SLC26A8: variants seen among roughly 807,000 people sequenced by gnomAD.
The protein encoded by SLC26A8 is solute carrier family 26 member 8, also known as testis anion transporter 1.
In SLC26A8, 70 loss-of-function variants were observed where a neutral mutation model predicts 105.0. That is an observed-to-expected ratio of 0.67 (90% CI 0.55 to 0.81). SLC26A8 has a LOEUF of 0.81. SLC26A8 is among the 40% of genes least tolerant of loss of function. SLC26A8 has a pLI of 0.00. For synonymous variants in SLC26A8, 415 were observed against 438.3 expected, an observed-to-expected ratio of 0.95 and a Z score of 0.66; for missense variants, 998 against 1,181.8, an observed-to-expected ratio of 0.84 and a Z score of 2.28.
At chr6:35,963,247 G>A (rs557244758) in intron 11 of SLC26A8, among the ~76,000 whole-genome samples, 3 of 152,244 alleles carry the variant, frequency 2.0e-5, no homozygotes, top group East Asian at 1.9e-4. Context: ...CAGGCCATCC[G>A]GAGGCAAAAC....
intron 6 of SLC26A8, 111 bp from the exon 7 acceptor site, chr6:35,991,919 G>C: frequency 1.8e-6 from 2 of 1,110,474 alleles, no homozygotes; most frequent in Non-Finnish European, 2.4e-6. Context: ...AGAGTTTCTG[G>C]GTACAAAGGT....
At chr6:35,964,503 C>T (rs894860301) in intron 11 of SLC26A8, among the ~76,000 whole-genome samples, 1 of 151,948 alleles carries the variant, frequency 6.6e-6, no homozygotes, top group Admixed American at 6.6e-5. Flanking sequence ...AAAAATTAGC[C>T]GGGCATGGTG....
At position 35,943,826 on chromosome 6, in the gene SLC26A8, CT is replaced by C. The variant is rs2127281552; in HGVS notation, c.*73del. The C allele has an allele frequency of 6.4e-7, 1 of 1,564,302 alleles. No individual in the cohort carries two copies. The highest frequency in any genetic ancestry group is 1.2e-5 in the South Asian group (1 of 81,594). ...CTGCTAGTTCGTATCCAGTCTAGGTCTCTGGACAATTGACCCCTTTTTGGGT... is the reference window on the plus strand; with the variant it reads ...CTGCTAGTTCGTATCCAGTCTAGGTCCTGGACAATTGACCCCTTTTTGGGT... On this transcript the variant is annotated 3_prime_UTR_variant, in exon 20 of 20. Transcript: ENST00000490799.
intron 8 of SLC26A8, among the ~76,000 whole-genome samples, chr6:35,979,220 G>A (rs1345532207): frequency 1.3e-5 from 2 of 151,812 alleles, no homozygotes; most frequent in African/African-American, 2.4e-5. Context: ...GCTCACGCTT[G>A]TAATCCCAGC....
chr6:35,968,621 A>ATGTG (rs1772640727), intron 11 of SLC26A8, among the ~76,000 whole-genome samples: 1 of 77,796 alleles, frequency 1.3e-5, no homozygotes, highest in African/African-American at 1.0e-4. Context: ...ATATATATAT[A>ATGTG]TATATATATA....
intron 11 of SLC26A8, among the ~76,000 whole-genome samples, chr6:35,968,637 A>ATATG (rs1462623828): frequency 1.3e-4 from 14 of 109,126 alleles, no homozygotes; most frequent in African/African-American, 5.5e-4. Context: ...ATATATATAT[A>ATATG]TATATATATA....
In SLC26A8 at chr6:35,990,406, G is replaced by A. The variant is rs1003055087; in HGVS notation, c.942+1253C>T. ...ATATGTTCCCTTTGTGAATGCATCT[G>A]GTTCTAGCCATAGGAAAGGGCCGTT... On this transcript the variant is annotated intron_variant, in intron 7 of 19. Transcript: ENST00000490799. 2.7e-5 allele frequency: 5 copies of A among 182,282 alleles called. No individual in the cohort carries two copies. The East Asian group carries it at 8.3e-4, about 30-fold the overall frequency. The allele number at this position is 182,282 out of a possible 1,614,324, so 11.3% of individuals were successfully genotyped here.
intron 2 of SLC26A8, among the ~76,000 whole-genome samples, chr6:36,014,026 G>A (rs1319975832): frequency 6.6e-6 from 1 of 152,212 alleles, no homozygotes; most frequent in Non-Finnish European, 1.5e-5. Flanking sequence ...TGGCAGCTGT[G>A]AAATGCTGCT....
rs1350098973 is a variant in SLC26A8, at chr6:35,997,881, G to A, written c.484C>T (p.Leu162=). The change falls in exon 5 of 20, where the codon CTG becomes TTG. Residue 162 remains leucine (L), a synonymous_variant. Coordinates refer to ENST00000490799, the MANE Select transcript of SLC26A8 (RefSeq NM_052961.4). ...CCGTTGTTGAATGGGCTCACTTTCAGAACGTTGATCAGCAGAGCACTCACC... is the reference window on the plus strand; with the variant it reads ...CCGTTGTTGAATGGGCTCACTTTCAAAACGTTGATCAGCAGAGCACTCACC... ...FLVSALLINV[L]KVSPFNNGQL... is the part of the protein sequence containing the mutation. 6.2e-7 allele frequency: 1 copy of A among 1,614,150 alleles called. No homozygotes were observed. Among genetic ancestry groups the A allele is most frequent in the South Asian group, 1.1e-5 (1 of 91,080 alleles).
At chr6:35,980,331 T>C (rs978300948) in intron 8 of SLC26A8, among the ~76,000 whole-genome samples, 3 of 152,006 alleles carry the variant, frequency 2.0e-5, no homozygotes, top group African/African-American at 7.3e-5. Context: ...TATAACAGAG[T>C]GGTTATAATT....
At chr6:35,950,506 C>T (rs1375157090) in intron 19 of SLC26A8, among the ~76,000 whole-genome samples, 5 of 151,526 alleles carry the variant, frequency 3.3e-5, no homozygotes, top group South Asian at 2.1e-4. Context: ...AGGATGGTCT[C>T]GAACTCCTGA....
At position 35,944,000 on chromosome 6, in the gene SLC26A8, G is replaced by A. The variant is rs757824045; in HGVS notation, c.2813C>T (p.Ser938Phe). ...YWPMYHPSMA[S>F]TQSQTQTRTW... is the part of the protein sequence containing the mutation. ...CCGAGTCTGAGTCTGAGACTGGGTGGAAGCCATAGACGGATGATACATAGG... is the reference window on the plus strand; with the variant it reads ...CCGAGTCTGAGTCTGAGACTGGGTGAAAGCCATAGACGGATGATACATAGG... The change falls in exon 20 of 20, where the codon TCC becomes TTC. Residue 938 changes from serine (S) to phenylalanine (F), a missense_variant. Ser to Phe is a radical substitution (Grantham distance 155, BLOSUM62 -2). Transcript: ENST00000490799. 1.2e-6 allele frequency: 2 copies of A among 1,614,154 alleles called. No homozygotes were observed. Among genetic ancestry groups the A allele is most frequent in the Non-Finnish European group, 1.7e-6 (2 of 1,179,994 alleles).
chr6:35,994,864 A>G (rs183577880), intron 5 of SLC26A8, among the ~76,000 whole-genome samples: 6 of 152,360 alleles, frequency 3.9e-5, no homozygotes, highest in African/African-American at 1.4e-4. Context: ...GGCGTGAGCC[A>G]CTGTGGCTGG....
At position 35,975,405 on chromosome 6, in the gene SLC26A8, A is replaced by G. The variant is rs936874704; in HGVS notation, c.1257T>C (p.Ile419=). 4.3e-6 allele frequency: 7 copies of G among 1,612,530 alleles called. No individual in the cohort carries two copies. Among genetic ancestry groups the G allele is most frequent in the Non-Finnish European group, 5.9e-6 (7 of 1,179,004 alleles). ...CVFTGAIART[I]IQDKSGGRQQ... is the part of the protein sequence containing the mutation. ...GTCTTCCTCCAGATTTATCCTGGAT[A>G]ATAGTCCTAGCAATAGCACCAGTAA... The change falls in exon 10 of 20, where the codon ATT becomes ATC. Residue 419 remains isoleucine (I), a synonymous_variant. Coordinates refer to ENST00000490799, the MANE Select transcript of SLC26A8 (RefSeq NM_052961.4).
chr6:35,981,995 T>C lies in SLC26A8; in HGVS notation c.1025+126A>G. On this transcript the variant is annotated intron_variant, in intron 8 of 19. Coordinates refer to ENST00000490799, the MANE Select transcript of SLC26A8 (RefSeq NM_052961.4). The surrounding 1 kb of genome is among the most constrained non-coding windows in gnomAD (Gnocchi z 4.0). ...GCCCTTCTCCTTTCATGAACCTCTG[T>C]GTTCAAAAATGAATTTTGCTTTGGC... The C allele has an allele frequency of 3.4e-6, 3 of 880,102 alleles. No homozygotes were observed. Among genetic ancestry groups the C allele is most frequent in the Non-Finnish European group, 3.6e-6 (2 of 558,692 alleles). The allele number at this position is 880,102 out of a possible 1,614,324, so 54.5% of individuals were successfully genotyped here.
intron 1 of SLC26A8, among the ~76,000 whole-genome samples, chr6:36,021,870 G>A (rs993941559): frequency 1.7e-4 from 26 of 151,776 alleles, no homozygotes; most frequent in African/African-American, 6.1e-4. Flanking sequence ...AGGGTTTCAC[G>A]GTGTTAGCCA....
intron 3 of SLC26A8, among the ~76,000 whole-genome samples, chr6:36,008,119 C>CA (rs35551131): frequency 0.013 from 939 of 70,190 alleles, 8 homozygotes; most frequent in East Asian, 0.061. Context: ...GACTCCGTCT[C>CA]AAAAAAAAAA....
chr6:36,021,571 G>C (rs570464507), intron 1 of SLC26A8, among the ~76,000 whole-genome samples: 1 of 152,142 alleles, frequency 6.6e-6, no homozygotes, highest in Non-Finnish European at 1.5e-5. Context: ...GACCGTCAAG[G>C]AGTGGTGGGA....
At chr6:35,982,614 G>A (rs1009311187) in intron 7 of SLC26A8, among the ~76,000 whole-genome samples, 3 of 152,036 alleles carry the variant, frequency 2.0e-5, no homozygotes, top group African/African-American at 7.3e-5. Context: ...TTAAATAAAG[G>A]GTATTTCAGA....
Sources: allele counts gnomAD v4.1 joint callset (sites outside exome capture counted in the v4.1 genomes callset), GRCh38; gene constraint gnomAD v4.1.1; non-coding constraint Gnocchi (gnomAD v3.1); transcripts MANE v1.5; gene names NCBI Gene and HGNC (gene_info 2026-07-23, HGNC 2026-07-21).